Variants in CALN1 observed in about 807,000 individuals in gnomAD.
CALN1 encodes calneuron 1, also known as calcium-binding protein 8.
In CALN1, 17 loss-of-function variants were observed where a neutral mutation model predicts 30.6. That is an observed-to-expected ratio of 0.56 (90% CI 0.38 to 0.83). The LOEUF is 0.83. Ranked by LOEUF, CALN1 falls within the 40% of genes least tolerant of loss-of-function variation. CALN1 has a pLI of 0.00. For synonymous variants in CALN1, 156 were observed against 131.4 expected, an observed-to-expected ratio of 1.19 and a Z score of -1.28; for missense variants, 291 against 354.9, an observed-to-expected ratio of 0.82 and a Z score of 1.45.
At chr7:72,166,380 T>G (rs1393744202) in intron 3 of CALN1, among the ~76,000 whole-genome samples, 2 of 152,132 alleles carry the variant, frequency 1.3e-5, no homozygotes, top group African/African-American at 4.8e-5. Context: ...TCTTGCTGTG[T>G]CTTGCAACGG....
chr7:72,414,035 T>G (rs184102979), upstream of CALN1, among the ~76,000 whole-genome samples: 9 of 152,258 alleles, frequency 5.9e-5, no homozygotes, highest in East Asian at 1.7e-3. Flanking sequence ...TGAGAGCAAT[T>G]AAGCTTTGGC....
chr7:71,853,585 T>A (rs192231261), intron 5 of CALN1, among the ~76,000 whole-genome samples: 5 of 152,194 alleles, frequency 3.3e-5, no homozygotes, highest in East Asian at 1.9e-4. Flanking sequence ...TTTTAATTTT[T>A]TTTTTTTTAT....
chr7:71,890,807 G>A (rs1793199619), intron 5 of CALN1, among the ~76,000 whole-genome samples: 1 of 146,678 alleles, frequency 6.8e-6, no homozygotes, highest in African/African-American at 2.6e-5. Flanking sequence ...GTGCAGTGGT[G>A]CAGTTATGGC....
chr7:71,903,487 A>T (rs1175015346), intron 5 of CALN1, among the ~76,000 whole-genome samples: 4 of 152,200 alleles, frequency 2.6e-5, no homozygotes, highest in Non-Finnish European at 4.4e-5. Flanking sequence ...TGTTGGGAAA[A>T]CTGGATATCT....
chr7:72,113,005 T>C (rs752919920), intron 3 of CALN1, among the ~76,000 whole-genome samples: 5 of 152,188 alleles, frequency 3.3e-5, no homozygotes, highest in Non-Finnish European at 5.9e-5. Flanking sequence ...CACGGGCATG[T>C]CTACAATTCT....
intron 5 of CALN1, among the ~76,000 whole-genome samples, chr7:71,914,481 G>C (rs1400642789): frequency 6.6e-6 from 1 of 152,042 alleles, no homozygotes; most frequent in East Asian, 1.9e-4. Context: ...CTGTGTCTTG[G>C]CTATTGTGAA....
intron 2 of CALN1, among the ~76,000 whole-genome samples, chr7:72,333,708 A>AG (rs774236356): frequency 4.7e-5 from 7 of 147,476 alleles, no homozygotes; most frequent in African/African-American, 7.4e-5. Flanking sequence ...AAAAAAAAAA[A>AG]GCTTACCATC....
At chr7:71,929,912 G>A (rs1316327221) in intron 5 of CALN1, among the ~76,000 whole-genome samples, 1 of 152,186 alleles carries the variant, frequency 6.6e-6, no homozygotes, top group Non-Finnish European at 1.5e-5. Flanking sequence ...CTCGGTATCT[G>A]TGGGAATTGG....
At chr7:71,803,323 C>T (rs191032871) in intron 6 of CALN1, among the ~76,000 whole-genome samples, 5 of 152,220 alleles carry the variant, frequency 3.3e-5, no homozygotes, top group Admixed American at 2.6e-4. Flanking sequence ...ATGGAAAGGT[C>T]GACTGCAGAC....
At chr7:71,859,526 C>T (rs1244013988) in intron 5 of CALN1, among the ~76,000 whole-genome samples, 1 of 152,170 alleles carries the variant, frequency 6.6e-6, no homozygotes, top group African/African-American at 2.4e-5. Flanking sequence ...ACATCATGAC[C>T]CTTGGCTATA....
At chr7:72,295,659 CTGTT>C (rs553873661) in intron 2 of CALN1, among the ~76,000 whole-genome samples, 70 of 143,012 alleles carry the variant, frequency 4.9e-4, no homozygotes, top group African/African-American at 1.5e-3. Flanking sequence ...ATTTGGCTCT[CTGTT>C]TGTCTGTTGT....
At chr7:72,393,634 C>G (rs895590352) in intron 2 of CALN1, among the ~76,000 whole-genome samples, 3 of 152,160 alleles carry the variant, frequency 2.0e-5, no homozygotes, top group African/African-American at 4.8e-5. Context: ...GCTGGGCCCC[C>G]CCCAGGCAAA....
intron 2 of CALN1, among the ~76,000 whole-genome samples, chr7:72,344,874 A>T (rs1802552181): frequency 2.0e-5 from 3 of 147,650 alleles, no homozygotes; most frequent in Non-Finnish European, 4.5e-5. Flanking sequence ...TATAACACAT[A>T]AATATATAAA....
intron 2 of CALN1, among the ~76,000 whole-genome samples, chr7:72,304,972 T>TA (rs1265997190): frequency 6.6e-6 from 1 of 152,102 alleles, no homozygotes; most frequent in Admixed American, 6.5e-5. Context: ...CACGTGGGAG[T>TA]AAGGCCCCAG....
chr7:72,259,513 A>G (rs563081924), intron 3 of CALN1, among the ~76,000 whole-genome samples: 6 of 152,256 alleles, frequency 3.9e-5, no homozygotes, highest in Non-Finnish European at 2.9e-5. Context: ...GAATTACAGT[A>G]GAGACAATTT....
chr7:72,194,493 G>A (rs1475926748), intron 3 of CALN1, among the ~76,000 whole-genome samples: 1 of 151,920 alleles, frequency 6.6e-6, no homozygotes, highest in African/African-American at 2.4e-5. Flanking sequence ...TTTCACCACT[G>A]CACTTCAGCC....
chr7:72,458,178 T>A, the CALN1 span, among the ~76,000 whole-genome samples: 7 of 73,254 alleles, frequency 9.6e-5, no homozygotes, highest in Non-Finnish European at 1.2e-4. Flanking sequence ...ATTTTATGTA[T>A]TATATTTAAT....
At chr7:71,938,196 A>AT (rs1795946040) in intron 5 of CALN1, among the ~76,000 whole-genome samples, 1 of 152,196 alleles carries the variant, frequency 6.6e-6, no homozygotes, top group Admixed American at 6.5e-5. Context: ...TCATTTCCAG[A>AT]TAGGGACACA....
chr7:72,345,048 C>T (rs1366729813), intron 2 of CALN1, among the ~76,000 whole-genome samples: 6 of 146,844 alleles, frequency 4.1e-5, no homozygotes, highest in Admixed American at 3.4e-4. Flanking sequence ...TATATTATAT[C>T]GTATGTACTG....
Sources: allele counts gnomAD v4.1 joint callset (sites outside exome capture counted in the v4.1 genomes callset), GRCh38; gene constraint gnomAD v4.1.1; transcripts MANE v1.5; gene names NCBI Gene and HGNC (gene_info 2026-07-23, HGNC 2026-07-21).